The following CGGBP1 variants were observed in gnomAD, a reference collection of about 807,000 sequenced individuals.
CGGBP1 encodes the protein CGG triplet repeat-binding protein 1.
Under a neutral mutation model 11.4 loss-of-function variants are expected in CGGBP1, and 4 were observed. The observed-to-expected ratio is 0.35, with a 90% CI of 0.17 to 0.80. CGGBP1 has a LOEUF of 0.80. Ranked by LOEUF, CGGBP1 falls within the 30% of genes least tolerant of loss-of-function variation. The pLI is 0.52. For synonymous variants in CGGBP1, 76 were observed against 74.1 expected (o/e 1.03, Z -0.13); for missense variants, 135 against 202.1 (o/e 0.67, Z 2.01).
intron 1 of CGGBP1, chr3:88,143,615 C>G (rs535799017): frequency 6.6e-6 from 1 of 152,308 alleles, no homozygotes; most frequent in East Asian, 1.9e-4. Context: ...TGATATAAAT[C>G]CATGCCCACA....
intron 1 of CGGBP1, chr3:88,142,443 AATCTAAGACTT>A (rs1177338004): frequency 6.6e-6 from 1 of 152,384 alleles, no homozygotes; most frequent in African/African-American, 2.4e-5. Flanking sequence ...AGATGAAAGG[AATCTAAGACTT>A]TACAGGCTTT....
intron 2 of CGGBP1, among the ~76,000 whole-genome samples, chr3:88,083,052 C>A (rs1034746312): frequency 2.0e-5 from 3 of 151,902 alleles, no homozygotes; most frequent in African/African-American, 7.3e-5. Context: ...ACTCCTCCTC[C>A]CTCTTCCTCC....
intron 2 of CGGBP1, among the ~76,000 whole-genome samples, chr3:88,072,089 A>G (rs889355019): frequency 2.0e-5 from 3 of 152,216 alleles, no homozygotes; most frequent in African/African-American, 7.2e-5. Context: ...CTTTAAGAAA[A>G]TAATAGGTAC....
chr3:88,076,476 C>T (rs1437675218), intron 2 of CGGBP1, among the ~76,000 whole-genome samples: 1 of 151,956 alleles, frequency 6.6e-6, no homozygotes, highest in Non-Finnish European at 1.5e-5. Flanking sequence ...ACTTTTATTC[C>T]TAAGGAAGTC....
chr3:88,141,792 C>T (rs1707147873), intron 1 of CGGBP1: 1 of 573,684 alleles, frequency 1.7e-6, no homozygotes, highest in Non-Finnish European at 2.8e-6. Flanking sequence ...AGACAAAGCA[C>T]ATTTTCTAGA....
At chr3:88,066,241 T>C (rs1276697357) in intron 2 of CGGBP1, among the ~76,000 whole-genome samples, 1 of 152,190 alleles carries the variant, frequency 6.6e-6, no homozygotes, top group African/African-American at 2.4e-5. Context: ...ACATGACTAT[T>C]ATTGCTTTCC....
At chr3:88,074,362 G>A (rs1437662065) in intron 2 of CGGBP1, among the ~76,000 whole-genome samples, 3 of 119,328 alleles carry the variant, frequency 2.5e-5, no homozygotes, top group African/African-American at 6.1e-5. Context: ...TTTTTTTTGA[G>A]ACTGAGTCTT....
chr3:88,067,596 A>G (rs1172421448), intron 2 of CGGBP1, among the ~76,000 whole-genome samples: 2 of 152,364 alleles, frequency 1.3e-5, no homozygotes, highest in East Asian at 3.9e-4. Flanking sequence ...TCAGAAACCC[A>G]GAGAACTGTG....
intron 2 of CGGBP1, chr3:88,139,395 A>G: frequency 6.2e-7 from 1 of 1,613,836 alleles, no homozygotes; most frequent in Non-Finnish European, 8.5e-7. Context: ...TGCATGTGTA[A>G]TATGTGGTAG....
chr3:88,064,495 A>G (rs1707085359), intron 2 of CGGBP1, among the ~76,000 whole-genome samples: 1 of 151,998 alleles, frequency 6.6e-6, no homozygotes. Context: ...GAGATTTTGA[A>G]CTGATCTTTT....
At chr3:88,103,695 C>T (rs1248796105) in intron 2 of CGGBP1, among the ~76,000 whole-genome samples, 2 of 148,876 alleles carry the variant, frequency 1.3e-5, no homozygotes, top group Non-Finnish European at 3.0e-5. Context: ...GACATCTCTT[C>T]AGAAATTGCA....
intron 1 of CGGBP1, chr3:88,144,431 AATGCTGCATATG>A (rs1297280310): frequency 1.3e-5 from 2 of 152,364 alleles, no homozygotes; most frequent in African/African-American, 2.4e-5. Context: ...AGAATGAGTA[AATGCTGCATATG>A]CATTTTGGAG....
intron 2 of CGGBP1, chr3:88,095,803 C>A (rs566229585): frequency 1.6e-5 from 7 of 441,970 alleles, no homozygotes; most frequent in Middle Eastern, 6.9e-4. Flanking sequence ...TAAAGGCAAT[C>A]CAAGTTTTTC....
chr3:88,145,194 A>G (rs1250068768), intron 1 of CGGBP1, among the ~76,000 whole-genome samples: 1 of 152,162 alleles, frequency 6.6e-6, no homozygotes, highest in Non-Finnish European at 1.5e-5. Flanking sequence ...GTCTTTGAGC[A>G]TGAAGGCTCC....
chr3:88,054,649 CTGTT>C lies in CGGBP1; in HGVS notation c.*820_*823del, dbSNP rs199914916. 7.9e-3 allele frequency: 1,202 copies of C among 152,670 alleles called. 22 individuals are homozygous for C. The highest frequency in any genetic ancestry group is 0.027 in the African/African-American group (1,137 of 41,560). The allele number at this position is 152,670 out of a possible 1,614,324, so 9.5% of individuals were successfully genotyped here. A position where few individuals can be genotyped will look rare whatever the true frequency, so the allele number is the denominator to read the frequency against. ...AAGAGAAAACTCAACCATAAAATGT[CTGTT>C]TAAGTAAAAATGCCAATCTTGAAAT... On this transcript the variant is annotated 3_prime_UTR_variant, in exon 4 of 4. Transcript: ENST00000482016.
In CGGBP1 at chr3:88,058,125, G is replaced by C. The variant is rs938105277; in HGVS notation, c.-232C>G. ...GGCACTTTCCGTTTGTTCAACCCCG[G>C]AGATGCCTTCAAATCAGTTTTTCAA... On this transcript the variant is annotated 5_prime_UTR_variant, in exon 2 of 4. Transcript: ENST00000482016. 3.3e-5 allele frequency: 5 copies of C among 152,216 alleles called. No homozygotes were observed. Among genetic ancestry groups the C allele is most frequent in the African/African-American group, 1.2e-4 (5 of 41,454 alleles). 9.4% of individuals were successfully genotyped at this position (152,216 alleles called of 1,614,324 possible). A position where few individuals can be genotyped will look rare whatever the true frequency, so the allele number is the denominator to read the frequency against.
intron 2 of CGGBP1, among the ~76,000 whole-genome samples, chr3:88,092,729 G>T (rs1703820273): frequency 6.6e-6 from 1 of 151,986 alleles, no homozygotes; most frequent in African/African-American, 2.4e-5. Context: ...TTTTATATAT[G>T]TATAACATTT....
At chr3:88,093,861 G>A (rs1168158880) in intron 2 of CGGBP1, among the ~76,000 whole-genome samples, 1 of 152,074 alleles carries the variant, frequency 6.6e-6, no homozygotes, top group Non-Finnish European at 1.5e-5. Context: ...GTTTTTTGCG[G>A]GGGCTGGGCC....
At chr3:88,110,804 T>C (rs1169048428) in intron 2 of CGGBP1, among the ~76,000 whole-genome samples, 6 of 152,168 alleles carry the variant, frequency 3.9e-5, no homozygotes, top group Non-Finnish European at 8.8e-5. Flanking sequence ...CAGATTCTTA[T>C]AGTAATTTCA....
Sources: gnomAD v4.1 joint callset for allele counts (sites outside exome capture counted in the v4.1 genomes callset) on GRCh38, gnomAD v4.1.1 for gene constraint, MANE v1.5 for transcripts, NCBI Gene and HGNC (gene_info 2026-07-23, HGNC 2026-07-21) for gene names.